The following POT1 variants were observed in gnomAD, a reference collection of about 807,000 sequenced individuals.
POT1 encodes protection of telomeres protein 1.
Under a neutral mutation model 78.5 loss-of-function variants are expected in POT1, and 47 were observed. That is an observed-to-expected ratio of 0.60 (90% CI 0.47 to 0.76). POT1 has a LOEUF of 0.76. Ranked by LOEUF, POT1 falls within the 30% of genes least tolerant of loss-of-function variation. The pLI, the probability that POT1 is intolerant of heterozygous loss-of-function variation, is 0.00. For missense variants in POT1, 646 were observed against 749.9 expected, an observed-to-expected ratio of 0.86 and a Z score of 1.62; for synonymous variants, 259 against 260.7, an observed-to-expected ratio of 0.99 and a Z score of 0.06.
At chr7:124,897,046 T>C (rs1277926748) in intron 5 of POT1, 119 bp downstream of exon 5, 4 of 517,858 alleles carry the variant, frequency 7.7e-6, no homozygotes, top group Admixed American at 3.3e-5. Context: ...TTCCAGTGTA[T>C]TGATAATATA....
Position 124,870,909 on chromosome 7 carries a change from A to C in POT1, c.255+2T>G. On this transcript the variant is annotated splice_donor_variant, in intron 7 of 18. Coordinates refer to ENST00000357628, the MANE Select transcript of POT1 (RefSeq NM_015450.3). LOFTEE classifies it high-confidence loss of function. Reference sequence around the variant, plus strand: ...ATAAGTTCTAGACAATATGAATTATACCTTCAGCCTGTGAAAGCGAACAAT... The same window carrying C: ...ATAAGTTCTAGACAATATGAATTATCCCTTCAGCCTGTGAAAGCGAACAAT... The C allele has an allele frequency of 6.2e-7, 1 of 1,601,988 alleles. No homozygotes were observed. Among genetic ancestry groups the C allele is most frequent in the African/African-American group, 1.3e-5 (1 of 74,430 alleles).
chr7:124,857,067 A>AT (rs1255257876), intron 9 of POT1, among the ~76,000 whole-genome samples: 4 of 151,952 alleles, frequency 2.6e-5, no homozygotes, highest in African/African-American at 4.8e-5. Flanking sequence ...TCTAATTACT[A>AT]TTTTTTCTGT....
At chr7:124,914,842 C>G (rs985574685) in intron 3 of POT1, among the ~76,000 whole-genome samples, 1 of 152,080 alleles carries the variant, frequency 6.6e-6, no homozygotes, top group Admixed American at 6.6e-5. Flanking sequence ...GCTCCTGGAA[C>G]TAATCTCATG....
chr7:124,862,572 T>C (rs934399355), intron 8 of POT1, among the ~76,000 whole-genome samples: 1 of 152,218 alleles, frequency 6.6e-6, no homozygotes, highest in African/African-American at 2.4e-5. Context: ...TTTTATTCAA[T>C]GATTTCTAAC....
chr7:124,840,236 T>C lies in POT1; in HGVS notation c.1369+737A>G, dbSNP rs201686716. Among the ~76,000 whole-genome samples the C allele has an allele frequency of 2.6e-5, 4 of 151,980 alleles. No individual in the cohort carries two copies. The East Asian group carries it at 7.7e-4, about 29-fold the overall frequency. On this transcript the variant is annotated intron_variant, in intron 14 of 18. Transcript: ENST00000357628. ...AAGTTAAATATTACTCTAAGGCAAA[T>C]TAAAGAAGGTATTTTTCTTCTATTA...
intron 3 of POT1, among the ~76,000 whole-genome samples, chr7:124,909,219 C>A (rs1796833994): frequency 6.6e-6 from 1 of 151,734 alleles, no homozygotes; most frequent in Non-Finnish European, 1.5e-5. Flanking sequence ...TTAAAACTGA[C>A]TTTAAAATAT....
At chr7:124,917,740 GGGGATA>G (rs991175537) in intron 2 of POT1, among the ~76,000 whole-genome samples, 2 of 152,160 alleles carry the variant, frequency 1.3e-5, no homozygotes, top group African/African-American at 2.4e-5. Flanking sequence ...TCAGAGTAGA[GGGGATA>G]ATCAGAAAAA....
chr7:124,914,289 G>T (rs1311895340), intron 3 of POT1, among the ~76,000 whole-genome samples: 3 of 152,030 alleles, frequency 2.0e-5, no homozygotes, highest in African/African-American at 7.2e-5. Context: ...AGACTTTGTT[G>T]TTCTTTTTTA....
intron 7 of POT1, among the ~76,000 whole-genome samples, chr7:124,869,998 C>G (rs1584777152): frequency 6.6e-6 from 1 of 152,062 alleles, no homozygotes; most frequent in Admixed American, 6.6e-5. Flanking sequence ...CACAGCTGAA[C>G]ACTGTCCTCG....
chr7:124,909,146 T>C (rs1382889575), intron 3 of POT1, among the ~76,000 whole-genome samples: 4 of 151,916 alleles, frequency 2.6e-5, no homozygotes, highest in Middle Eastern at 3.2e-3. Context: ...GGGGTAATTT[T>C]TTTTAACTTT....
chr7:124,853,349 T>C, intron 9 of POT1: 1 of 473,408 alleles, frequency 2.1e-6, no homozygotes, highest in South Asian at 3.2e-5. Context: ...TGTGCATGCA[T>C]ATGCGTGTGT....
intron 2 of POT1, among the ~76,000 whole-genome samples, chr7:124,922,069 A>C (rs1206631241): frequency 6.6e-6 from 1 of 152,038 alleles, no homozygotes; most frequent in Non-Finnish European, 1.5e-5. Context: ...CATACGAAAC[A>C]ACAGAATCCA....
At chr7:124,902,591 T>C (rs1340830038) in intron 3 of POT1, among the ~76,000 whole-genome samples, 5 of 152,174 alleles carry the variant, frequency 3.3e-5, no homozygotes, top group African/African-American at 4.8e-5. Context: ...GTAAAGACCA[T>C]TGAGGCTAGG....
intron 6 of POT1, among the ~76,000 whole-genome samples, chr7:124,889,869 G>A (rs1346112473): frequency 2.0e-5 from 3 of 151,874 alleles, no homozygotes; most frequent in African/African-American, 7.3e-5. Flanking sequence ...AGTCACACAA[G>A]AGCTCTGATG....
At chr7:124,846,890 A>G (rs1795181186) in intron 12 of POT1, 52 bp downstream of exon 12, 3 of 1,299,950 alleles carry the variant, frequency 2.3e-6, no homozygotes, top group African/African-American at 1.5e-5. Context: ...GTAGAGGCAG[A>G]CTTTATTATG....
At position 124,929,009 on chromosome 7, in the gene POT1, C is replaced by A. The variant is rs891895030; in HGVS notation, c.-411-10G>T. The A allele has an allele frequency of 1.3e-5, 2 of 152,596 alleles. No individual in the cohort carries two copies. Among genetic ancestry groups the A allele is most frequent in the African/African-American group, 4.8e-5 (2 of 41,442 alleles). The allele number at this position is 152,596 out of a possible 1,614,324, so 9.5% of individuals were successfully genotyped here. ...ATCTGACAACTTGCTGCTGAAAATA[C>A]AAAACCAGTGTTTTACCCAAAATGA... On this transcript the variant is annotated splice_polypyrimidine_tract_variant and intron_variant, in intron 1 of 18. Coordinates refer to ENST00000357628, the MANE Select transcript of POT1 (RefSeq NM_015450.3).
intron 11 of POT1, 56 bp from the exon 12 acceptor site, chr7:124,847,054 G>T: frequency 8.6e-7 from 1 of 1,168,072 alleles, no homozygotes; most frequent in Non-Finnish European, 1.3e-6. Flanking sequence ...TTGTAGAACT[G>T]AAAACAATGG....
chr7:124,905,219 G>A (rs1796733778), intron 3 of POT1, among the ~76,000 whole-genome samples: 1 of 152,122 alleles, frequency 6.6e-6, no homozygotes, highest in Non-Finnish European at 1.5e-5. Context: ...CACACTACCT[G>A]ACTCCAAACT....
chr7:124,904,803 C>T (rs571822962), intron 3 of POT1, among the ~76,000 whole-genome samples: 2 of 152,188 alleles, frequency 1.3e-5, no homozygotes, highest in South Asian at 2.1e-4. Flanking sequence ...GCAAAGTCTC[C>T]GGATACAAAA....
Sources: allele counts gnomAD v4.1 joint callset (sites outside exome capture counted in the v4.1 genomes callset), GRCh38; gene constraint gnomAD v4.1.1; transcripts MANE v1.5; gene names NCBI Gene and HGNC (gene_info 2026-07-23, HGNC 2026-07-21).